The following NREP variants were observed in gnomAD, a reference collection of about 807,000 sequenced individuals.
The protein encoded by NREP is neuronal regeneration related protein.
NREP carries 5 observed loss-of-function variants against 8.6 expected under a neutral mutation model. The ratio of observed to expected loss-of-function variants is 0.58; its 90% CI spans 0.30 to 1.22. The LOEUF is 1.22. Ranked by LOEUF, NREP falls within the 50% of genes most tolerant of loss-of-function variation. The pLI, the probability that NREP is intolerant of heterozygous loss-of-function variation, is 0.07. For missense variants in NREP, 86 were observed against 82.5 expected (o/e 1.04, Z -0.17); for synonymous variants, 27 against 28.0 (o/e 0.96, Z 0.11).
At chr5:111,971,231 G>A (rs1756808048) in intron 2 of NREP, among the ~76,000 whole-genome samples, 1 of 152,108 alleles carries the variant, frequency 6.6e-6, no homozygotes, top group Non-Finnish European at 1.5e-5. Context: ...TTACACTAAT[G>A]ACTGATTAAA....
At chr5:111,791,030 T>A (rs1751733829) in intron 2 of NREP, among the ~76,000 whole-genome samples, 1 of 152,088 alleles carries the variant, frequency 6.6e-6, no homozygotes, top group African/African-American at 2.4e-5. Flanking sequence ...AATCCCCGAG[T>A]ATACTGAAAG....
chr5:111,797,011 G>C lies in NREP; in HGVS notation c.136-61504C>G, dbSNP rs551336063. The stretch of plus-strand genomic sequence containing the variant: ...GCTAAGAGGAATAGTGGAGTCTTGG[G>C]AATGACAAGGTTCACTAAAGAGACA... On this transcript the variant is annotated intron_variant, in intron 2 of 3. Coordinates refer to the NREP transcript ENST00000395634. 2.6e-5 allele frequency among the ~76,000 whole-genome samples: 4 copies of C among 152,112 alleles called. No individual in the cohort carries two copies. The East Asian group carries it at 7.7e-4, about 29-fold the overall frequency.
chr5:111,767,293 C>T (rs984323045), intron 2 of NREP, among the ~76,000 whole-genome samples: 8 of 150,106 alleles, frequency 5.3e-5, no homozygotes, highest in Non-Finnish European at 9.0e-5. Context: ...TACTCCTCCC[C>T]GCCAAAAAAA....
chr5:111,928,955 C>A (rs1755465292), intron 2 of NREP, among the ~76,000 whole-genome samples: 1 of 152,016 alleles, frequency 6.6e-6, no homozygotes. Context: ...ATATTTAAAT[C>A]AGTAATCTTT....
chr5:111,782,896 G>A (rs991206977), intron 2 of NREP, among the ~76,000 whole-genome samples: 3 of 151,926 alleles, frequency 2.0e-5, no homozygotes, highest in East Asian at 1.9e-4. Flanking sequence ...CACCAAACCC[G>A]GCTAATTTTT....
At position 111,950,049 on chromosome 5, in the gene NREP, A is replaced by C. The variant is rs541871338; in HGVS notation, c.135+25225T>G. Among the ~76,000 whole-genome samples the C allele has an allele frequency of 8.5e-5, 13 of 152,200 alleles. No individual in the cohort carries two copies. The South Asian group carries it at 2.5e-3, about 29-fold the overall frequency. On this transcript the variant is annotated intron_variant, in intron 2 of 3. Coordinates refer to the NREP transcript ENST00000395634. Reference sequence around the variant, plus strand: ...TGAACTAATTTACACTCCCACCAACAGTGTAAAAGAGCTCCTTTTCGTCCA... The same window carrying C: ...TGAACTAATTTACACTCCCACCAACCGTGTAAAAGAGCTCCTTTTCGTCCA...
In NREP at chr5:111,853,896, T is replaced by C. The variant is rs35145109; in HGVS notation, c.136-118389A>G. Among the ~76,000 whole-genome samples, 480 of 152,306 alleles carry C rather than the reference T, an allele frequency of 3.2e-3. 2 individuals carry two copies. The highest frequency in any genetic ancestry group is 6.0e-3 in the Non-Finnish European group (408 of 68,028). ...CTGCTCTTTTCTCCTGAGCTGCTCT[T>C]GCGCACCATGATTCAGCCACAGATG... On this transcript the variant is annotated intron_variant, in intron 2 of 3. Coordinates refer to the NREP transcript ENST00000395634.
chr5:111,828,632 G>C (rs574714375), intron 2 of NREP, among the ~76,000 whole-genome samples: 1 of 152,108 alleles, frequency 6.6e-6, no homozygotes, highest in African/African-American at 2.4e-5. Context: ...TAAAAAAAAT[G>C]ACTATGTAAT....
intron 2 of NREP, among the ~76,000 whole-genome samples, chr5:111,881,223 G>A (rs961553424): frequency 6.6e-6 from 1 of 152,162 alleles, no homozygotes; most frequent in African/African-American, 2.4e-5. Flanking sequence ...CTCCCTGATT[G>A]CTAGCACAGC....
At chr5:111,867,259 G>A (rs1242444298) in intron 2 of NREP, among the ~76,000 whole-genome samples, 1 of 152,086 alleles carries the variant, frequency 6.6e-6, no homozygotes, top group Admixed American at 6.6e-5. Flanking sequence ...ATTTTCTCAT[G>A]GATCTAAAGA....
At chr5:111,768,048 C>A (rs2112869820) in intron 2 of NREP, among the ~76,000 whole-genome samples, 1 of 152,286 alleles carries the variant, frequency 6.6e-6, no homozygotes, top group African/African-American at 2.4e-5. Context: ...AGGATGTCCA[C>A]AAGGATGTCC....
chr5:111,775,284 T>G lies in NREP; in HGVS notation c.136-39777A>C, dbSNP rs145017257. Among the ~76,000 whole-genome samples, 6 of 152,268 alleles carry G rather than the reference T, an allele frequency of 3.9e-5. No individual in the cohort carries two copies. The East Asian group carries it at 1.2e-3, about 29-fold the overall frequency. ...TACCAATCCTCATTTTAAGGGCATT[T>G]TATGGGATACTCCAAAATGACCAAA... is the stretch of plus-strand genomic sequence containing the variant. On this transcript the variant is annotated intron_variant, in intron 2 of 3. Transcript: ENST00000395634.
chr5:111,855,969 G>A (rs758314606), intron 2 of NREP, among the ~76,000 whole-genome samples: 21 of 152,182 alleles, frequency 1.4e-4, no homozygotes, highest in Non-Finnish European at 3.1e-4. Context: ...TGTTACTAGA[G>A]AACACCTGAG....
chr5:111,917,334 A>G (rs560412346), intron 2 of NREP, among the ~76,000 whole-genome samples: 18 of 152,290 alleles, frequency 1.2e-4, no homozygotes, highest in South Asian at 4.1e-4. Flanking sequence ...ATAGAAAAAG[A>G]GGGACTCCTC....
Position 111,731,017 on chromosome 5 carries a change from G to A in NREP, c.111C>T (p.Asn37=), listed in dbSNP as rs200422364. ...CGTTTGTCTCATCGTTCTTCTTGCG[G>A]TTCACTTCCTTTGGGACAGGAAGTC... ...KGRLPVPKEV[N]RKKNDETNAA... is the part of the protein sequence containing the mutation. Residue 37 remains asparagine, a synonymous_variant, in exon 4 of 4, where the codon AAC becomes AAT. Transcript: ENST00000257435. The A allele has an allele frequency of 6.2e-7, 1 of 1,613,936 alleles. No individual in the cohort carries two copies. Among genetic ancestry groups the A allele is most frequent in the Non-Finnish European group, 8.5e-7 (1 of 1,179,844 alleles).
At chr5:111,736,165 T>G (rs939234664) in intron 2 of NREP, among the ~76,000 whole-genome samples, 1 of 152,170 alleles carries the variant, frequency 6.6e-6, no homozygotes. Context: ...TAGCATAAGG[T>G]TGCCGACCAG....
chr5:111,949,891 C>T (rs984391608), intron 2 of NREP, among the ~76,000 whole-genome samples: 1 of 152,054 alleles, frequency 6.6e-6, no homozygotes, highest in Non-Finnish European at 1.5e-5. Flanking sequence ...AATAAACATA[C>T]ATGTGCACGT....
intron 1 of NREP, chr5:111,975,395 T>A (rs1304119477): frequency 2.6e-6 from 4 of 1,546,432 alleles, no homozygotes; most frequent in Non-Finnish European, 3.5e-6. Flanking sequence ...ACAAGACACA[T>A]GGTAGAAAAC....
rs562860082 is a variant in NREP, at chr5:111,831,028, T to C, written c.136-95521A>G. 2.4e-3 allele frequency among the ~76,000 whole-genome samples: 359 copies of C among 152,260 alleles called. 2 individuals carry two copies. Among genetic ancestry groups the C allele is most frequent in the African/African-American group, 8.3e-3 (345 of 41,542 alleles). ...AGCAACATGTAGAAAAACGCTAGTT[T>C]AAATCAGCCATCTCTCTGGCCCATT... is the stretch of plus-strand genomic sequence containing the variant. On this transcript the variant is annotated intron_variant, in intron 2 of 3. Coordinates refer to the NREP transcript ENST00000395634.
Sources: allele counts gnomAD v4.1 joint callset (sites outside exome capture counted in the v4.1 genomes callset), GRCh38; gene constraint gnomAD v4.1.1; transcripts MANE v1.5; gene names NCBI Gene and HGNC (gene_info 2026-07-23, HGNC 2026-07-21).